The following COL6A5 variants were observed in gnomAD, a reference collection of about 807,000 sequenced individuals.
The protein encoded by COL6A5 is collagen type VI alpha 5 chain.
COL6A5 carries 48 observed loss-of-function variants against 65.6 expected under a neutral mutation model. The ratio of observed to expected loss-of-function variants is 0.73; its 90% CI spans 0.58 to 0.93. The LOEUF is 0.93. Ranked by LOEUF, COL6A5 falls within the 40% of genes least tolerant of loss-of-function variation. The pLI, the probability that COL6A5 is intolerant of heterozygous loss-of-function variation, is 0.00. For missense variants in COL6A5, 914 were observed against 928.3 expected (o/e 0.98, Z 0.20); for synonymous variants, 291 against 322.8 (o/e 0.90, Z 1.05).
At chr3:130,414,847 T>C (rs1937291054) in intron 22 of COL6A5, among the ~76,000 whole-genome samples, 2 of 152,050 alleles carry the variant, frequency 1.3e-5, no homozygotes, top group Admixed American at 1.3e-4. Flanking sequence ...AAAATTCAGG[T>C]ATTAGGACCA....
chr3:130,475,405 CTG>C (rs1386300093), intron 7 of COL6A5, among the ~76,000 whole-genome samples: 1 of 152,028 alleles, frequency 6.6e-6, no homozygotes, highest in East Asian at 1.9e-4. Context: ...ACTCAAATGA[CTG>C]TAGATTTCTC....
At chr3:130,459,398 A>G (rs1709651959) in intron 5 of COL6A5, among the ~76,000 whole-genome samples, 1 of 152,140 alleles carries the variant, frequency 6.6e-6, no homozygotes, top group African/African-American at 2.4e-5. Flanking sequence ...CTGGAAGGGT[A>G]TTAGTGATGA....
At chr3:130,409,908 A>T (rs2107673266) in intron 18 of COL6A5, 101 bp from the exon 19 acceptor site, 1 of 779,588 alleles carries the variant, frequency 1.3e-6, no homozygotes, top group African/African-American at 1.8e-5. Flanking sequence ...CACACCTCTT[A>T]TAGCTTGACC....
chr3:130,362,233 G>T (rs1935133646), intron 1 of COL6A5, among the ~76,000 whole-genome samples: 1 of 120,216 alleles, frequency 8.3e-6, no homozygotes, highest in Admixed American at 8.8e-5. Context: ...ATAATTTTTG[G>T]GAAGGGTGTA....
At chr3:130,407,834 T>G (rs1158925569) in intron 17 of COL6A5, among the ~76,000 whole-genome samples, 1 of 152,204 alleles carries the variant, frequency 6.6e-6, no homozygotes, top group Non-Finnish European at 1.5e-5. Context: ...TGGAACATGT[T>G]GCAGGAAGTC....
rs139241358 is a variant in COL6A5, at chr3:130,456,277, C to G, written c.1544+611C>G. Among the ~76,000 whole-genome samples, 135 of 151,904 alleles carry G rather than the reference C, an allele frequency of 8.9e-4. 1 individual carries two copies. Among genetic ancestry groups the G allele is most frequent in the African/African-American group, 2.9e-3 (122 of 41,442 alleles). Reference sequence around the variant, plus strand: ...AACTTTTGTAAAAATGTAATAATTTCAAACAAATCAGATACAAAGGAGTAT... The same window carrying G: ...AACTTTTGTAAAAATGTAATAATTTGAAACAAATCAGATACAAAGGAGTAT... On this transcript the variant is annotated intron_variant, in intron 5 of 7. Coordinates refer to ENST00000512836, the Ensembl canonical transcript of COL6A5.
At chr3:130,378,572 G>A (rs896588625) in intron 3 of COL6A5, among the ~76,000 whole-genome samples, 2 of 152,052 alleles carry the variant, frequency 1.3e-5, no homozygotes, top group African/African-American at 4.8e-5. Context: ...ATAAGATCAT[G>A]TGACTCCCAG....
intron 1 of COL6A5, among the ~76,000 whole-genome samples, chr3:130,434,244 A>G (rs1266133994): frequency 6.6e-6 from 1 of 152,170 alleles, no homozygotes; most frequent in Non-Finnish European, 1.5e-5. Flanking sequence ...AGCTTCATCC[A>G]TGTCCCTGCA....
chr3:130,438,575 T>C (rs1039580916), intron 1 of COL6A5, among the ~76,000 whole-genome samples: 27 of 152,162 alleles, frequency 1.8e-4, no homozygotes, highest in African/African-American at 6.3e-4. Context: ...ATGTAGTAAA[T>C]AGTTTCTAAA....
At chr3:130,456,296 G>A (rs1709570395) in intron 5 of COL6A5, among the ~76,000 whole-genome samples, 1 of 152,010 alleles carries the variant, frequency 6.6e-6, no homozygotes, top group Admixed American at 6.5e-5. Flanking sequence ...CAGATACAAA[G>A]GAGTATGTCT....
intron 5 of COL6A5, among the ~76,000 whole-genome samples, chr3:130,467,088 T>C (rs1264875768): frequency 6.6e-6 from 1 of 152,040 alleles, no homozygotes; most frequent in African/African-American, 2.4e-5. Context: ...ATTTCACAAC[T>C]GACTTACTTC....
intron 7 of COL6A5, among the ~76,000 whole-genome samples, chr3:130,478,967 A>G (rs1262270515): frequency 6.6e-6 from 1 of 152,064 alleles, no homozygotes; most frequent in African/African-American, 2.4e-5. Flanking sequence ...GAAAGGGTGT[A>G]TATCTCCTGA....
intron 10 of COL6A5, among the ~76,000 whole-genome samples, chr3:130,398,929 C>T (rs1178943358): frequency 6.6e-6 from 1 of 152,204 alleles, no homozygotes; most frequent in Non-Finnish European, 1.5e-5. Flanking sequence ...CTTTCAGATT[C>T]CAGTTCTAGG....
chr3:130,432,017 G>T, intron 1 of COL6A5, 68 bp downstream of exon 33: 2 of 1,474,192 alleles, frequency 1.4e-6, no homozygotes, highest in South Asian at 1.3e-5. Context: ...GGGCAGGATG[G>T]GAGTGGTAGA....
intron 5 of COL6A5, among the ~76,000 whole-genome samples, chr3:130,460,596 G>C (rs909181641): frequency 6.6e-6 from 1 of 152,082 alleles, no homozygotes; most frequent in African/African-American, 2.4e-5. Flanking sequence ...GATACTTGAA[G>C]TATTAAGTAG....
intron 23 of COL6A5, among the ~76,000 whole-genome samples, chr3:130,416,491 G>A (rs6439232): frequency 0.024 from 3,612 of 152,188 alleles, 142 homozygotes; most frequent in African/African-American, 0.081. Flanking sequence ...GTTGACTCAA[G>A]GGTGCCTTTT....
chr3:130,436,665 TGCCTTTC>T (rs1481953240), intron 1 of COL6A5, among the ~76,000 whole-genome samples: 4 of 142,592 alleles, frequency 2.8e-5, no homozygotes, highest in South Asian at 2.5e-4. Flanking sequence ...TTGTTGATCT[TGCCTTTC>T]TCTGGGAAAC....
intron 14 of COL6A5, 121 bp from the exon 15 acceptor site, chr3:130,405,872 C>T (rs986373428): frequency 9.5e-7 from 1 of 1,052,864 alleles, no homozygotes; most frequent in African/African-American, 1.6e-5. Context: ...TCTCTAACCT[C>T]TTTGTAGATG....
At position 130,401,021 on chromosome 3, in the gene COL6A5, T is replaced by TA; in HGVS notation, c.3992-9dup. Reference sequence around the variant, plus strand: ...TTTGCTTTATTTATATTGTGGTTTTTACCACATAGGACTTGATGCTCTGCT... The same window carrying TA: ...TTTGCTTTATTTATATTGTGGTTTTTAACCACATAGGACTTGATGCTCTGCT... On this transcript the variant is annotated splice_polypyrimidine_tract_variant and intron_variant and NMD_transcript_variant, in intron 10 of 41. Coordinates refer to the COL6A5 transcript ENST00000312481. 6.5e-7 allele frequency: 1 copy of TA among 1,527,626 alleles called. No individual in the cohort carries two copies. Among genetic ancestry groups the TA allele is most frequent in the Non-Finnish European group, 8.8e-7 (1 of 1,139,594 alleles). The allele number at this position is 1,527,626 out of a possible 1,614,324, so 94.6% of individuals were successfully genotyped here. A position where few individuals can be genotyped will look rare whatever the true frequency, so the allele number is the denominator to read the frequency against.
Sources: allele counts gnomAD v4.1 joint callset (sites outside exome capture counted in the v4.1 genomes callset), GRCh38; gene constraint gnomAD v4.1.1; transcripts MANE v1.5; gene names NCBI Gene and HGNC (gene_info 2026-07-23, HGNC 2026-07-21).